Variants in BCAS3 observed in about 807,000 individuals in gnomAD.
BCAS3 encodes BCAS4/BCAS3 fusion.
Under a neutral mutation model 116.1 loss-of-function variants are expected in BCAS3, and 53 were observed. That is an observed-to-expected ratio of 0.46 (90% CI 0.37 to 0.57). The LOEUF is 0.57. Among genes scored for constraint, BCAS3 ranks in the 20% least tolerant of loss-of-function variants. The probability of loss-of-function intolerance (pLI) is 0.00; values close to 1 mark genes in which losing one functional copy is unlikely to be tolerated. For missense variants in BCAS3, 917 were observed against 1,165.4 expected (o/e 0.79, Z 3.10); for synonymous variants, 391 against 408.2 (o/e 0.96, Z 0.51).
At chr17:61,270,362 A>G (rs2050139698) in intron 22 of BCAS3, among the ~76,000 whole-genome samples, 1 of 151,762 alleles carries the variant, frequency 6.6e-6, no homozygotes, top group South Asian at 2.1e-4. Context: ...GCCTCATGTG[A>G]TCTGCCTGCC....
At chr17:61,257,420 C>CAA (rs35124459) in intron 22 of BCAS3, among the ~76,000 whole-genome samples, 1,300 of 55,824 alleles carry the variant, frequency 0.023, 33 homozygotes, top group African/African-American at 0.06. Flanking sequence ...GACTCCATCT[C>CAA]AAAAAAAAAA....
At chr17:61,058,480 GCTGATTTC>G (rs1478922802) in intron 19 of BCAS3, among the ~76,000 whole-genome samples, 1 of 152,096 alleles carries the variant, frequency 6.6e-6, no homozygotes, top group East Asian at 1.9e-4. Flanking sequence ...TGGTCACTCG[GCTGATTTC>G]TGTGCTCTTT....
At chr17:60,720,533 T>A (rs1363967220) in intron 5 of BCAS3, among the ~76,000 whole-genome samples, 13 of 152,166 alleles carry the variant, frequency 8.5e-5, no homozygotes, top group Non-Finnish European at 8.8e-5. Context: ...TGTGAAACAG[T>A]ATACAGTTGG....
chr17:61,080,221 C>T (rs2072455286), intron 21 of BCAS3, among the ~76,000 whole-genome samples: 1 of 152,116 alleles, frequency 6.6e-6, no homozygotes, highest in Admixed American at 6.5e-5. Flanking sequence ...CTTTAAATTA[C>T]TCCACAAACT....
intron 14 of BCAS3, among the ~76,000 whole-genome samples, chr17:60,981,215 G>A (rs1308675354): frequency 1.3e-5 from 2 of 152,016 alleles, no homozygotes; most frequent in Non-Finnish European, 2.9e-5. Flanking sequence ...GCTTATAGGT[G>A]ATCTCGATTA....
intron 22 of BCAS3, among the ~76,000 whole-genome samples, chr17:61,138,823 A>G (rs1226858180): frequency 6.6e-6 from 1 of 152,164 alleles, no homozygotes; most frequent in Non-Finnish European, 1.5e-5. Context: ...CTGATTATTT[A>G]CTTGGAAATT....
At chr17:60,889,277 G>A (rs2056969242) in intron 9 of BCAS3, among the ~76,000 whole-genome samples, 1 of 152,124 alleles carries the variant, frequency 6.6e-6, no homozygotes, top group Admixed American at 6.5e-5. Flanking sequence ...GTAGTATCAT[G>A]TCTGATAGTC....
At position 61,015,819 on chromosome 17, in the gene BCAS3, C is replaced by T; in HGVS notation, c.1555C>T (p.Pro519Ser). 1 of 1,614,116 alleles carries T rather than the reference C, an allele frequency of 6.2e-7. No homozygotes were observed. Among genetic ancestry groups the T allele is most frequent in the Non-Finnish European group, 8.5e-7 (1 of 1,179,968 alleles). Residue 519 changes from proline (P) to serine (S), a missense_variant, in exon 16 of 24, where the codon CCT (proline) becomes TCT (serine). Around this residue, in one of 3 missense-constraint regions of BCAS3, gnomAD observed 807 missense variants for 1,026.0 expected, o/e 0.79. Coordinates refer to ENST00000407086, the MANE Select transcript of BCAS3 (RefSeq NM_017679.5). The part of the protein sequence containing the change: ...NNNPGNPRLS[P>S]LPSLMVVMPL... ...CAACCCTGGCAACCCTCGGCTCTCT[C>T]CTCTTCCCAGCTTGATGGTAGTGAT...
chr17:61,031,704 A>G (rs77659861), intron 16 of BCAS3, among the ~76,000 whole-genome samples: 7,852 of 152,118 alleles, frequency 0.052, 721 homozygotes, highest in African/African-American at 0.18. Context: ...ACACAACACT[A>G]TGTTATGTAG....
chr17:61,045,643 C>T lies in BCAS3; in HGVS notation c.2029+4751C>T, dbSNP rs181588974. Among the ~76,000 whole-genome samples the T allele has an allele frequency of 2.6e-3, 383 of 148,434 alleles. 4 individuals are homozygous for T. The highest frequency in any genetic ancestry group is 9.2e-3 in the African/African-American group (369 of 40,322). ...TCAGCCTGGCCAACATGACGAAACC[C>T]CATCTCTACTAAAAATACAAAATTT... On this transcript the variant is annotated intron_variant, in intron 19 of 23. Transcript: ENST00000407086.
At chr17:61,299,442 CAAAAAAAAAA>C (rs538072648) in intron 22 of BCAS3, among the ~76,000 whole-genome samples, 8 of 57,154 alleles carry the variant, frequency 1.4e-4, no homozygotes, top group African/African-American at 2.4e-4. Context: ...GACTCCATCT[CAAAAAAAAAA>C]AAAAAAAAAA....
chr17:61,078,647 C>T (rs2072252805), intron 21 of BCAS3, 118 bp downstream of exon 21: 2 of 817,222 alleles, frequency 2.4e-6, no homozygotes, highest in Non-Finnish European at 3.8e-6. Flanking sequence ...TTGCAGACTA[C>T]ATGTACTGTT....
At chr17:60,808,170 A>G in intron 7 of BCAS3, 94 bp downstream of exon 7, 1 of 845,166 alleles carries the variant, frequency 1.2e-6, no homozygotes, top group Non-Finnish European at 1.9e-6. Context: ...TTGTAACCAT[A>G]AGACTAAGCT....
intron 13 of BCAS3, among the ~76,000 whole-genome samples, chr17:60,944,531 C>A (rs1397587412): frequency 6.6e-6 from 1 of 151,854 alleles, no homozygotes; most frequent in African/African-American, 2.4e-5. Flanking sequence ...TATTTGAGGC[C>A]TGGATTATCC....
chr17:60,966,752 A>G (rs1037738342), intron 14 of BCAS3, among the ~76,000 whole-genome samples: 5 of 149,744 alleles, frequency 3.3e-5, no homozygotes, highest in African/African-American at 1.2e-4. Flanking sequence ...TCCTGGGTTC[A>G]AGTGATTCTT....
At chr17:61,304,552 G>T (rs2053685390) in intron 22 of BCAS3, among the ~76,000 whole-genome samples, 1 of 152,066 alleles carries the variant, frequency 6.6e-6, no homozygotes, top group Non-Finnish European at 1.5e-5. Flanking sequence ...ACCTCATCTG[G>T]GAAGCCTCGT....
chr17:61,166,261 C>T (rs2078483844), intron 22 of BCAS3, among the ~76,000 whole-genome samples: 1 of 152,178 alleles, frequency 6.6e-6, no homozygotes, highest in Non-Finnish European at 1.5e-5. Context: ...ACGGTCTTCC[C>T]TCCAAACTAC....
chr17:61,258,319 G>T lies in BCAS3; in HGVS notation c.2426-110008G>T, dbSNP rs984410935. Among the ~76,000 whole-genome samples the T allele has an allele frequency of 9.9e-5, 15 of 152,178 alleles. No individual in the cohort carries two copies. Among genetic ancestry groups the T allele is most frequent in the African/African-American group, 3.6e-4 (15 of 41,420 alleles). ...GACTTTAAATTCATTGTGGAAAGGG[G>T]TTGTTACTTCGTGCCTTTAGATATC... On this transcript the variant is annotated intron_variant, in intron 22 of 23. Coordinates refer to ENST00000407086, the MANE Select transcript of BCAS3 (RefSeq NM_017679.5). The surrounding 1 kb of genome is among the most constrained non-coding windows in gnomAD (Gnocchi z 4.7).
intron 19 of BCAS3, among the ~76,000 whole-genome samples, chr17:61,042,891 C>CAAAAAAAAAAAAAAAAAAAAAA (rs35629825): frequency 3.4e-5 from 2 of 58,290 alleles, no homozygotes; most frequent in African/African-American, 1.1e-4. Flanking sequence ...CTCCATCTCA[C>CAAAAAAAAAAAAAAAAAAAAAA]AAAAAAAAAA....
Sources: gnomAD v4.1 joint callset for allele counts (sites outside exome capture counted in the v4.1 genomes callset) on GRCh38, gnomAD v4.1.1 for gene constraint, gnomAD v4.1.1 regional missense constraint, Gnocchi (gnomAD v3.1) non-coding constraint, MANE v1.5 for transcripts, NCBI Gene and HGNC (gene_info 2026-07-23, HGNC 2026-07-21) for gene names.